The following PRMT7 variants were observed in gnomAD, a reference collection of about 807,000 sequenced individuals.
PRMT7 encodes the protein protein arginine methyltransferase 7, also known as protein arginine N-methyltransferase 7.
In PRMT7, 75 loss-of-function variants were observed where a neutral mutation model predicts 85.4. That is an observed-to-expected ratio of 0.88 (90% CI 0.73 to 1.06). The LOEUF is 1.06. Among genes scored for constraint, PRMT7 ranks in the 50% least tolerant of loss-of-function variants. PRMT7 has a pLI of 0.00. For synonymous variants in PRMT7, 397 were observed against 359.5 expected (o/e 1.10, Z -1.18); for missense variants, 868 against 915.2 (o/e 0.95, Z 0.67).
chr16:68,324,946 C>T, intron 5 of PRMT7, 114 bp downstream of exon 5: 4 of 1,352,954 alleles, frequency 3.0e-6, no homozygotes, highest in Non-Finnish European at 4.1e-6. Flanking sequence ...CACTCTGTGC[C>T]AAGCACAGAG....
intron 6 of PRMT7, among the ~76,000 whole-genome samples, chr16:68,336,462 C>T (rs992141301): frequency 1.5e-4 from 23 of 152,170 alleles, no homozygotes; most frequent in African/African-American, 5.1e-4. Context: ...ATTTTGGCTG[C>T]CAGAGCCTAA....
In PRMT7 at chr16:68,312,689, C is replaced by T. The variant is rs150140202; in HGVS notation, c.-84+513C>T. The stretch of plus-strand genomic sequence containing the variant: ...ATGAGGAGGGGTTCAGAGAATATCT[C>T]CTGAATCTGTAGTGTAGACTGCTTC... On this transcript the variant is annotated intron_variant, in intron 2 of 18. Transcript: ENST00000441236. 5.0e-3 allele frequency among the ~76,000 whole-genome samples: 765 copies of T among 152,266 alleles called. 2 individuals are homozygous for T. The highest frequency in any genetic ancestry group is 0.01 in the Middle Eastern group (3 of 294).
At position 68,357,094 on chromosome 16, in the gene PRMT7, ACTT is replaced by A. The variant is rs562766169; in HGVS notation, c.1954_1956del (p.Phe652del). 1,897 of 1,613,212 alleles carry A rather than the reference ACTT, an allele frequency of 1.2e-3. 5 individuals are homozygous for A. Among genetic ancestry groups the A allele is most frequent in the Admixed American group, 2.5e-3 (149 of 59,896 alleles). On this transcript the variant is annotated inframe_deletion, in exon 19 of 19. Transcript: ENST00000441236. ...AACCCCCACTGCAAGCAGGCCGTCTACTTCTTCAGCCCTGCCCCAGATCCCAGA... is the reference window on the plus strand; with the variant it reads ...AACCCCCACTGCAAGCAGGCCGTCTACTTCAGCCCTGCCCCAGATCCCAGA...
intron 15 of PRMT7, 52 bp downstream of exon 15, chr16:68,352,461 A>G (rs563714875): frequency 1.3e-6 from 2 of 1,541,794 alleles, no homozygotes; most frequent in South Asian, 2.4e-5. Flanking sequence ...CGGGTGGGGA[A>G]CCTTGTTTTC....
At chr16:68,311,811 A>C (rs1597048856) in intron 1 of PRMT7, 1 of 151,012 alleles carries the variant, frequency 6.6e-6, no homozygotes, top group Non-Finnish European at 1.5e-5. Context: ...GTAGATCTCA[A>C]ATGCTAGTTT....
intron 4 of PRMT7, among the ~76,000 whole-genome samples, chr16:68,323,229 T>TC (rs1416855367): frequency 6.6e-6 from 1 of 151,616 alleles, no homozygotes; most frequent in Non-Finnish European, 1.5e-5. Flanking sequence ...TTCTTTTTTT[T>TC]TTTTTAACAA....
At chr16:68,329,299 C>A (rs2083523290) in intron 6 of PRMT7, 125 bp downstream of exon 6, 4 of 650,694 alleles carry the variant, frequency 6.1e-6, no homozygotes, top group Non-Finnish European at 1.1e-5. Flanking sequence ...CTGTGTGGAG[C>A]TCTGACAGTA....
In PRMT7 at chr16:68,347,246, C is replaced by T. The variant is rs879076506; in HGVS notation, c.1227C>T (p.Ser409=). The change falls in exon 12 of 19, where the codon AGC becomes AGT. Residue 409 remains serine (S), a synonymous_variant. Coordinates refer to ENST00000441236, the MANE Select transcript of PRMT7 (RefSeq NM_019023.5). ...CAGACAGCGTGTGCCTGTGTGTCAGCGATGGCAGCCTGCTCTCCGTGCTGG... is the reference window on the plus strand; with the variant it reads ...CAGACAGCGTGTGCCTGTGTGTCAGTGATGGCAGCCTGCTCTCCGTGCTGG... The part of the protein sequence containing the change: ...LKPDSVCLCV[S]DGSLLSVLAH... 26 of 1,553,358 alleles carry T rather than the reference C, an allele frequency of 1.7e-5. No homozygotes were observed. Among genetic ancestry groups the T allele is most frequent in the East Asian group, 2.4e-5 (1 of 41,426 alleles).
At chr16:68,353,615 G>T (rs766268456) in intron 16 of PRMT7, 49 bp downstream of exon 16, 18 of 1,479,068 alleles carry the variant, frequency 1.2e-5, no homozygotes, top group East Asian at 2.6e-5. Flanking sequence ...CTCCTGTATC[G>T]CAGGCCTCTC....
intron 16 of PRMT7, among the ~76,000 whole-genome samples, 171 bp downstream of exon 16, chr16:68,353,737 G>C (rs1178035568): frequency 6.6e-6 from 1 of 152,190 alleles, no homozygotes; most frequent in Non-Finnish European, 1.5e-5. Context: ...CCTGTTCTTG[G>C]CTCCGTGCTG....
At chr16:68,347,428 G>A in intron 12 of PRMT7, 134 bp downstream of exon 12, 1 of 1,083,610 alleles carries the variant, frequency 9.2e-7, no homozygotes, top group Non-Finnish European at 1.3e-6. Flanking sequence ...CTCGGGTCAG[G>A]GGCTGGGGGG....
At position 68,329,169 on chromosome 16, in the gene PRMT7, G is replaced by T; in HGVS notation, c.386G>T (p.Gly129Val). The T allele has an allele frequency of 1.3e-6, 2 of 1,585,322 alleles. No homozygotes were observed. The highest frequency in any genetic ancestry group is 2.2e-5 in the South Asian group (2 of 90,420). ...INKHSTEVTV[G>V]PEGDMPCRAN... ...AAGCATTCCACCGAGGTGACTGTAG[G>T]TCCAGGTGAGATTTACACACCCTGT... is the stretch of plus-strand genomic sequence containing the variant. The change falls in exon 6 of 19, where the codon GGT (glycine) becomes GTT (valine). Residue 129 changes from glycine (G) to valine (V), a missense_variant. Gly to Val is a moderately radical substitution (Grantham distance 109). Coordinates refer to ENST00000441236, the MANE Select transcript of PRMT7 (RefSeq NM_019023.5).
chr16:68,324,773 A>G lies in PRMT7; in HGVS notation c.223A>G (p.Thr75Ala). ...CTTGGTTCTCGACATTGGCACTGGCACGGGACTCTTGTCAATGATGGCGGT... is the reference window on the plus strand; with the variant it reads ...CTTGGTTCTCGACATTGGCACTGGCGCGGGACTCTTGTCAATGATGGCGGT... ...KALVLDIGTG[T>A]GLLSMMAVTA... The change falls in exon 5 of 19, where the codon ACG (threonine) becomes GCG (alanine). Residue 75 changes from threonine (T) to alanine (A), a missense_variant. Physicochemically the swap from Thr to Ala is moderately conservative, Grantham distance 58. Coordinates refer to ENST00000441236, the MANE Select transcript of PRMT7 (RefSeq NM_019023.5). The G allele has an allele frequency of 1.2e-6, 2 of 1,614,138 alleles. No homozygotes were observed. Among genetic ancestry groups the G allele is most frequent in the Non-Finnish European group, 1.7e-6 (2 of 1,180,010 alleles).
At chr16:68,328,205 C>A in intron 5 of PRMT7, 1 of 251,384 alleles carries the variant, frequency 4.0e-6, no homozygotes, top group Non-Finnish European at 8.8e-6. Flanking sequence ...TTTCCGCTCT[C>A]ATGCACTTTG....
chr16:68,360,598 G>C (rs781284694), downstream of PRMT7: 1 of 153,110 alleles, frequency 6.5e-6, no homozygotes, highest in African/African-American at 2.4e-5. Context: ...TTGAATGCGA[G>C]ACCCTGGGAA....
intron 5 of PRMT7, 62 bp from the exon 6 acceptor site, chr16:68,329,004 A>T (rs895685989): frequency 8.5e-6 from 10 of 1,170,284 alleles, no homozygotes; most frequent in Non-Finnish European, 1.3e-5. Context: ...GCTCACCTTA[A>T]AGGTCAGACT....
chr16:68,346,511 C>G (rs1474269963), intron 11 of PRMT7, among the ~76,000 whole-genome samples: 1 of 152,156 alleles, frequency 6.6e-6, no homozygotes, highest in Non-Finnish European at 1.5e-5. Context: ...TGGCTGGGCT[C>G]CTGCTGGACA....
At chr16:68,331,329 A>T (rs1414355574) in intron 6 of PRMT7, among the ~76,000 whole-genome samples, 3 of 152,154 alleles carry the variant, frequency 2.0e-5, no homozygotes, top group African/African-American at 7.2e-5. Context: ...TAGATGTACC[A>T]TAACTTGTTT....
intron 6 of PRMT7, among the ~76,000 whole-genome samples, chr16:68,336,471 AACTC>A (rs1287332889): frequency 6.6e-6 from 1 of 152,208 alleles, no homozygotes; most frequent in African/African-American, 2.4e-5. Flanking sequence ...GCCAGAGCCT[AACTC>A]ACAGTAGCTG....
Sources: gnomAD v4.1 joint callset for allele counts (sites outside exome capture counted in the v4.1 genomes callset) on GRCh38, gnomAD v4.1.1 for gene constraint, MANE v1.5 for transcripts, NCBI Gene and HGNC (gene_info 2026-07-23, HGNC 2026-07-21) for gene names.